The following WDFY4 variants were observed in gnomAD, a reference collection of about 807,000 sequenced individuals.
The protein encoded by WDFY4 is WDFY family member 4.
WDFY4 carries 169 observed loss-of-function variants against 351.9 expected under a neutral mutation model. That is an observed-to-expected ratio of 0.48 (90% CI 0.42 to 0.55). The LOEUF (loss-of-function observed/expected upper bound fraction) is 0.55, where lower values mean the gene tolerates loss of function less well. WDFY4 is among the 20% of genes least tolerant of loss of function. The probability of loss-of-function intolerance (pLI) is 0.00; values close to 1 mark genes in which losing one functional copy is unlikely to be tolerated. For synonymous variants in WDFY4, 1,622 were observed against 1,574.6 expected, an observed-to-expected ratio of 1.03 and a Z score of -0.71; for missense variants, 3,803 against 3,935.6, an observed-to-expected ratio of 0.97 and a Z score of 0.90.
intron 60 of WDFY4, among the ~76,000 whole-genome samples, chr10:48,980,987 G>A (rs1209081406): frequency 6.6e-6 from 1 of 152,170 alleles, no homozygotes; most frequent in Non-Finnish European, 1.5e-5. Context: ...TTTTTACTAG[G>A]CAATTACTGG....
chr10:48,873,432 C>CAGGCCCAGA (rs1554796953), intron 40 of WDFY4, 59 bp from the exon 41 acceptor site: 1 of 1,471,746 alleles, frequency 6.8e-7, no homozygotes, highest in Non-Finnish European at 9.0e-7. Context: ...GGTTTGGGGC[C>CAGGCCCAGA]AGGCCCATAA....
chr10:48,849,932 G>C (rs1302398102), intron 39 of WDFY4, among the ~76,000 whole-genome samples: 1 of 152,042 alleles, frequency 6.6e-6, no homozygotes, highest in Non-Finnish European at 1.5e-5. Context: ...TTGTGACTTT[G>C]ACAGCTTTGA....
intron 24 of WDFY4, among the ~76,000 whole-genome samples, chr10:48,802,388 G>T (rs2663036): frequency 6.6e-6 from 1 of 151,998 alleles, no homozygotes; most frequent in Non-Finnish European, 1.5e-5. Context: ...ACATAAATGC[G>T]GATAATAATA....
rs1463957580 is a variant in WDFY4 at position 48,974,188 on chromosome 10, A to G, written c.8929-674A>G. Among the ~76,000 whole-genome samples the G allele has an allele frequency of 2.0e-5, 3 of 152,144 alleles. No homozygotes were observed. In the South Asian group the frequency reaches 6.2e-4, roughly 32 times the overall value. On this transcript the variant is annotated intron_variant, in intron 57 of 61. Coordinates refer to ENST00000325239, the MANE Select transcript of WDFY4 (RefSeq NM_001394531.1). ...CTGGTGTGGGCACCACAGTTTGCCA[A>G]CAGTGCTTTGTATGTTAATCGTAAC...
chr10:48,930,403 T>A (rs1839922370), intron 47 of WDFY4, among the ~76,000 whole-genome samples: 2 of 152,198 alleles, frequency 1.3e-5, no homozygotes, highest in South Asian at 4.1e-4. Context: ...TAGACACAGA[T>A]GATGGCACGA....
At chr10:48,844,455 G>C (rs2068711100) in intron 39 of WDFY4, among the ~76,000 whole-genome samples, 2 of 152,272 alleles carry the variant, frequency 1.3e-5, no homozygotes, top group South Asian at 4.2e-4. Flanking sequence ...AGCTGGGTGT[G>C]ATGGCACACC....
chr10:48,846,214 T>C (rs2068770968), intron 39 of WDFY4, among the ~76,000 whole-genome samples: 1 of 152,218 alleles, frequency 6.6e-6, no homozygotes, highest in Non-Finnish European at 1.5e-5. Context: ...CATTCCCACA[T>C]GGCATCTTTG....
Position 48,900,253 on chromosome 10 carries a change from A to T in WDFY4, c.7470A>T (p.Gly2490=). Residue 2490 remains glycine (G), a synonymous_variant, in exon 46 of 62, where the codon GGA becomes GGT. Coordinates refer to ENST00000325239, the MANE Select transcript of WDFY4 (RefSeq NM_001394531.1). ...DIALEIFFHN[G]YSKFLVFYNN... is the part of the protein sequence containing the mutation. The stretch of plus-strand genomic sequence containing the variant: ...CCCTGGAGATCTTCTTCCACAATGG[A>T]TATTCCAAGTTTCTTGTCTTCTACA... 6.4e-7 allele frequency: 1 copy of T among 1,551,698 alleles called. No homozygotes were observed. Among genetic ancestry groups the T allele is most frequent in the Non-Finnish European group, 8.7e-7 (1 of 1,146,980 alleles).
At chr10:48,966,479 C>T (rs1274138840) in intron 54 of WDFY4, 47 bp from the exon 55 acceptor site, 1 of 1,529,700 alleles carries the variant, frequency 6.5e-7, no homozygotes, top group East Asian at 2.5e-5. Context: ...ACGACCCCTC[C>T]TCTGGGCATC....
chr10:48,901,541 G>A (rs17011404), intron 46 of WDFY4, among the ~76,000 whole-genome samples: 20,161 of 152,172 alleles, frequency 0.13, 1,490 homozygotes, highest in Middle Eastern at 0.21. Flanking sequence ...GCCCAGAGGC[G>A]GTACCTCACA....
intron 47 of WDFY4, among the ~76,000 whole-genome samples, chr10:48,920,159 C>T (rs1589891542): frequency 6.6e-6 from 1 of 152,010 alleles, no homozygotes; most frequent in African/African-American, 2.4e-5. Flanking sequence ...GCAGAAAAGA[C>T]ATTTGACAAT....
chr10:48,924,089 T>C (rs1839363227), intron 47 of WDFY4, among the ~76,000 whole-genome samples: 1 of 152,186 alleles, frequency 6.6e-6, no homozygotes, highest in South Asian at 2.1e-4. Flanking sequence ...TGCCCATTAA[T>C]CACCTCAAGG....
At position 48,982,889 on chromosome 10, in the gene WDFY4, AG is replaced by A. The variant is rs1842865423; in HGVS notation, c.*315del. On this transcript the variant is annotated 3_prime_UTR_variant, in exon 62 of 62. Transcript: ENST00000325239. ...AGGGCTATTGCACTGAAAAAAAAAA[AG>A]ATGGGTCGCTTACTGGAAATTATTG... is the stretch of plus-strand genomic sequence containing the variant. 7.4e-6 allele frequency: 3 copies of A among 402,906 alleles called. No individual in the cohort carries two copies. Among genetic ancestry groups the A allele is most frequent in the African/African-American group, 6.3e-5 (3 of 47,744 alleles). The allele number at this position is 402,906 out of a possible 1,614,324, so 25.0% of individuals were successfully genotyped here.
chr10:48,754,228 A>T (rs1188489755), intron 12 of WDFY4, among the ~76,000 whole-genome samples: 10 of 134,578 alleles, frequency 7.4e-5, no homozygotes, highest in African/African-American at 2.7e-4. Flanking sequence ...GGATATTGGT[A>T]GGTTTTTTTT....
Position 48,830,840 on chromosome 10 carries a change from C to A in WDFY4, c.6481C>A (p.Pro2161Thr). The A allele has an allele frequency of 3.2e-6, 5 of 1,551,624 alleles. No homozygotes were observed. Among genetic ancestry groups the A allele is most frequent in the Non-Finnish European group, 4.4e-6 (5 of 1,146,952 alleles). The change falls in exon 38 of 62, where the codon CCG becomes ACG. Residue 2161 changes from proline (P) to threonine (T), a missense_variant. Transcript: ENST00000325239. The part of the protein sequence containing the change: ...EREVKIEEVT[P>T]LWEETMLKAW... ...GGAAGTGAAGATTGAAGAGGTCACA[C>A]CGCTCTGGGAGGAGACGATGCTCAA...
At position 48,706,587 on chromosome 10, in the gene WDFY4, C is replaced by T. The variant is rs116359650; in HGVS notation, c.-17-3129C>T. On this transcript the variant is annotated intron_variant, in intron 1 of 61. Transcript: ENST00000325239. ...AAAAAAGATTACACATAGGGAAGCT[C>T]GAGCTCTTGTACACTTATGTAGAAG... Among the ~76,000 whole-genome samples, 1,014 of 152,266 alleles carry T rather than the reference C, an allele frequency of 6.7e-3. 10 individuals carry two copies. Among genetic ancestry groups the T allele is most frequent in the African/African-American group, 0.023 (965 of 41,546 alleles).
chr10:48,893,453 G>A (rs1836915955), intron 44 of WDFY4, among the ~76,000 whole-genome samples: 1 of 152,202 alleles, frequency 6.6e-6, no homozygotes, highest in South Asian at 2.1e-4. Context: ...AACTTAGTGG[G>A]AACCTAAGTC....
At position 48,840,421 on chromosome 10, in the gene WDFY4, C is replaced by CACGT. The variant is rs1229909608; in HGVS notation, c.6663+7714_6663+7715insGTAC. On this transcript the variant is annotated intron_variant, in intron 39 of 61. Coordinates refer to ENST00000325239, the MANE Select transcript of WDFY4 (RefSeq NM_001394531.1). The stretch of plus-strand genomic sequence containing the variant: ...TTCCCTTGACACACACACACACATA[C>CACGT]ACATACACACACACACACACACACA... 3.5e-5 allele frequency among the ~76,000 whole-genome samples: 4 copies of CACGT among 113,920 alleles called. No individual in the cohort carries two copies. The East Asian group carries it at 1.4e-3, about 40-fold the overall frequency. 74.7% of individuals were successfully genotyped at this position (113,920 alleles called of 152,430 possible). A position where few individuals can be genotyped will look rare whatever the true frequency, so the allele number is the denominator to read the frequency against.
intron 17 of WDFY4, 137 bp from the exon 18 acceptor site, chr10:48,778,474 G>C: frequency 2.4e-6 from 2 of 842,938 alleles, no homozygotes; most frequent in South Asian, 3.4e-5. Context: ...TGCCATAATG[G>C]GGAGGAGACA....
Sources: gnomAD v4.1 joint callset for allele counts (sites outside exome capture counted in the v4.1 genomes callset) on GRCh38, gnomAD v4.1.1 for gene constraint, MANE v1.5 for transcripts, NCBI Gene and HGNC (gene_info 2026-07-23, HGNC 2026-07-21) for gene names.